ARHGAP6: variants seen among roughly 807,000 people sequenced by gnomAD.
The protein encoded by ARHGAP6 is Rho GTPase activating protein 6, also known as rho GTPase-activating protein 6.
Under a neutral mutation model 55.7 loss-of-function variants are expected in ARHGAP6, and 16 were observed. That is an observed-to-expected ratio of 0.29 (90% CI 0.19 to 0.44). The LOEUF (loss-of-function observed/expected upper bound fraction) is 0.44. Among genes scored for constraint, ARHGAP6 ranks in the 20% least tolerant of loss-of-function variants. The pLI, the probability that ARHGAP6 is intolerant of heterozygous loss-of-function variation, is 1.00. For missense variants in ARHGAP6, 698 were observed against 808.9 expected, an observed-to-expected ratio of 0.86 and a Z score of 1.66; for synonymous variants, 382 against 360.9, an observed-to-expected ratio of 1.06 and a Z score of -0.66.
At chrX:11,292,808 G>A (rs1287290541) in intron 1 of ARHGAP6, among the ~76,000 whole-genome samples, 1 of 112,469 alleles carries the variant, frequency 8.9e-6, no homozygotes. Flanking sequence ...ATGGGGCCGA[G>A]AAGGGGCTTT....
At chrX:11,404,644 G>A (rs770794856) in intron 1 of ARHGAP6, among the ~76,000 whole-genome samples, 25 of 111,424 alleles carry the variant, frequency 2.2e-4, no homozygotes, top group Non-Finnish European at 4.5e-4. Context: ...CTAATCTAGA[G>A]CTCAAAGAAA....
intron 1 of ARHGAP6, among the ~76,000 whole-genome samples, chrX:11,648,160 A>T (rs988814748): frequency 1.8e-5 from 2 of 112,173 alleles, no homozygotes; most frequent in Non-Finnish European, 3.8e-5. Flanking sequence ...AAGGTATAGA[A>T]TGTTATCTCC....
chrX:11,461,128 TA>T (rs2050240082), intron 1 of ARHGAP6, among the ~76,000 whole-genome samples: 1 of 111,979 alleles, frequency 8.9e-6, no homozygotes, highest in Non-Finnish European at 1.9e-5. Flanking sequence ...TAATACATGC[TA>T]CTTCCATTCA....
intron 2 of ARHGAP6, among the ~76,000 whole-genome samples, chrX:11,244,538 AGGCTGATT>A (rs2047327756): frequency 8.9e-6 from 1 of 112,223 alleles, no homozygotes; most frequent in East Asian, 2.8e-4. Context: ...TGACCTAAAA[AGGCTGATT>A]GGTTAAAAAA....
At chrX:11,190,469 A>T (rs4287094) in intron 3 of ARHGAP6, among the ~76,000 whole-genome samples, 22 of 74,410 alleles carry the variant, frequency 3.0e-4, no homozygotes, top group Non-Finnish European at 4.8e-4. Context: ...AGATATATAT[A>T]TATATATATA....
rs2048963966 is a variant in ARHGAP6, at chrX:11,358,473, CTTTCTTTCTTTCTTTT to C, written c.589-103782_589-103767del. Among the ~76,000 whole-genome samples, 6 of 92,501 alleles carry C rather than the reference CTTTCTTTCTTTCTTTT, an allele frequency of 6.5e-5. No individual in the cohort carries two copies. In the South Asian group the frequency reaches 3.1e-3, roughly 48 times the overall value. 80.3% of individuals were successfully genotyped at this position (92,501 alleles called of 115,157 possible). A position where few individuals can be genotyped will look rare whatever the true frequency, so the allele number is the denominator to read the frequency against. On this transcript the variant is annotated intron_variant, in intron 1 of 12. Transcript: ENST00000337414. ...TCTTTCTTTCTTTCTTTCTTTCTTT[CTTTCTTTCTTTCTTTT>C]TTTTTTTTTGACAGAGTTTTACTCT... is the stretch of plus-strand genomic sequence containing the variant.
chrX:11,407,680 A>G (rs1177868366), intron 1 of ARHGAP6, among the ~76,000 whole-genome samples: 3 of 111,806 alleles, frequency 2.7e-5, no homozygotes, highest in African/African-American at 9.7e-5. Context: ...TTTCATCATT[A>G]CTATCCTGGT....
chrX:11,188,893 C>T lies in ARHGAP6; in HGVS notation c.912G>A (p.Glu304=). ...YKLKQDLQRD[E]QKDASDFVAS... ...CCACAAAGTCAGATGCATCTTTCTG[C>T]TCGTCCCTCTGCAAGTCCTGCTTGA... is the stretch of plus-strand genomic sequence containing the variant. The change falls in exon 4 of 13, where the codon GAG becomes GAA. Residue 304 remains glutamate, a synonymous_variant. Coordinates refer to ENST00000337414, the MANE Select transcript of ARHGAP6 (RefSeq NM_013427.3). 1 of 1,211,437 alleles carries T rather than the reference C, an allele frequency of 8.3e-7. No individual in the cohort carries two copies. The highest frequency in any genetic ancestry group is 1.1e-6 in the Non-Finnish European group (1 of 895,502).
chrX:11,298,459 T>C (rs2048121200), intron 1 of ARHGAP6: 1 of 1,171,639 alleles, frequency 8.5e-7, no homozygotes, highest in African/African-American at 1.8e-5. Flanking sequence ...AAAATATTCC[T>C]ATAGCCATAA....
chrX:11,494,938 A>C (rs2050607502), intron 1 of ARHGAP6, among the ~76,000 whole-genome samples: 1 of 112,390 alleles, frequency 8.9e-6, no homozygotes, highest in African/African-American at 3.2e-5. Flanking sequence ...GAAGTACAAA[A>C]AGAAAAACAT....
chrX:11,552,552 T>A (rs1264312153), intron 1 of ARHGAP6, among the ~76,000 whole-genome samples: 2 of 27,321 alleles, frequency 7.3e-5, no homozygotes, highest in Non-Finnish European at 1.3e-4. Flanking sequence ...AAAGAAAATG[T>A]GCCATATATA....
At chrX:11,365,150 A>T (rs138564910) in intron 1 of ARHGAP6, among the ~76,000 whole-genome samples, 1 of 112,192 alleles carries the variant, frequency 8.9e-6, no homozygotes, top group Non-Finnish European at 1.9e-5. Context: ...GTCACATCTC[A>T]ATGTGATGTC....
intron 1 of ARHGAP6, among the ~76,000 whole-genome samples, chrX:11,388,029 T>C (rs1161786272): frequency 2.2e-4 from 25 of 112,299 alleles, no homozygotes; most frequent in African/African-American, 4.5e-4. Flanking sequence ...TGCATGTGTC[T>C]TTATAACAGC....
intron 1 of ARHGAP6, among the ~76,000 whole-genome samples, chrX:11,341,078 G>A (rs1482427051): frequency 9.7e-6 from 1 of 102,792 alleles, no homozygotes; most frequent in Non-Finnish European, 2.0e-5. Flanking sequence ...GGGGGTGGGG[G>A]GTGGTATATA....
At chrX:11,526,602 A>G (rs2050991732) in intron 1 of ARHGAP6, among the ~76,000 whole-genome samples, 1 of 111,481 alleles carries the variant, frequency 9.0e-6, no homozygotes, top group Admixed American at 9.6e-5. Context: ...TCTAAGATTT[A>G]ATTTCTCTAA....
At chrX:11,306,124 A>G (rs1034573450) in intron 1 of ARHGAP6, among the ~76,000 whole-genome samples, 1 of 110,765 alleles carries the variant, frequency 9.0e-6, no homozygotes, top group African/African-American at 3.3e-5. Flanking sequence ...GTTGGCTGGC[A>G]CTCCTGGAAG....
At chrX:11,438,257 C>T (rs2050006316) in intron 1 of ARHGAP6, among the ~76,000 whole-genome samples, 2 of 112,467 alleles carry the variant, frequency 1.8e-5, no homozygotes, top group South Asian at 3.7e-4. Context: ...TAAGGTTGGG[C>T]AGATGCCAAA....
intron 1 of ARHGAP6, among the ~76,000 whole-genome samples, chrX:11,546,710 A>G (rs991314567): frequency 5.4e-5 from 6 of 111,748 alleles, no homozygotes; most frequent in African/African-American, 1.9e-4. Flanking sequence ...CTTCCACCAT[A>G]CCTTCTCTTT....
intron 1 of ARHGAP6, among the ~76,000 whole-genome samples, chrX:11,387,376 T>C (rs56194847): frequency 2.8e-4 from 31 of 111,668 alleles, no homozygotes; most frequent in Non-Finnish European, 5.3e-4. Flanking sequence ...CTGCTTTGCA[T>C]GCAGAGAGAG....
Sources: allele counts gnomAD v4.1 joint callset (sites outside exome capture counted in the v4.1 genomes callset), GRCh38; gene constraint gnomAD v4.1.1; transcripts MANE v1.5; gene names NCBI Gene and HGNC (gene_info 2026-07-23, HGNC 2026-07-21).